The following SHTN1 variants were observed in gnomAD, a reference collection of about 807,000 sequenced individuals.
SHTN1 encodes shootin 1.
SHTN1 carries 42 observed loss-of-function variants against 83.1 expected under a neutral mutation model. The observed-to-expected ratio is 0.51, with a 90% CI of 0.39 to 0.65. The LOEUF (loss-of-function observed/expected upper bound fraction) is 0.65. Ranked by LOEUF, SHTN1 falls within the 30% of genes least tolerant of loss-of-function variation. The probability of loss-of-function intolerance (pLI) is 0.00; values close to 1 mark genes in which losing one functional copy is unlikely to be tolerated. For missense variants in SHTN1, 622 were observed against 737.8 expected (o/e 0.84, Z 1.82); for synonymous variants, 224 against 247.7 (o/e 0.90, Z 0.90).
chr10:117,109,988 A>G (rs2133637988), intron 1 of SHTN1, among the ~76,000 whole-genome samples: 1 of 152,320 alleles, frequency 6.6e-6, no homozygotes, highest in South Asian at 2.1e-4. Context: ...CACCTTCTAG[A>G]TGGAGAAACT....
At chr10:116,948,309 G>C (rs1589833280) in intron 7 of SHTN1, among the ~76,000 whole-genome samples, 1 of 152,172 alleles carries the variant, frequency 6.6e-6, no homozygotes, top group East Asian at 1.9e-4. Context: ...CACCAGGAGA[G>C]CAGGTCTGCT....
chr10:116,919,695 C>T (rs182300366), intron 12 of SHTN1, among the ~76,000 whole-genome samples: 6 of 152,210 alleles, frequency 3.9e-5, no homozygotes, highest in East Asian at 3.9e-4. Context: ...CATCAGGAAA[C>T]GCTAATAGCC....
chr10:116,923,494 G>T (rs1170882098), intron 11 of SHTN1, among the ~76,000 whole-genome samples: 10 of 151,920 alleles, frequency 6.6e-5, no homozygotes, highest in African/African-American at 2.4e-4. Context: ...TTAGGAAAAG[G>T]GGCAAATGGA....
intron 1 of SHTN1, among the ~76,000 whole-genome samples, chr10:117,120,811 ATTTT>A (rs71013645): frequency 7.1e-6 from 1 of 141,458 alleles, no homozygotes; most frequent in African/African-American, 2.6e-5. Flanking sequence ...CACTGATTTG[ATTTT>A]TTTTTTTTTT....
At chr10:116,901,229 G>A in intron 16 of SHTN1, 1 of 985,092 alleles carries the variant, frequency 1.0e-6, no homozygotes, top group Non-Finnish European at 1.2e-6. Context: ...TTCAATAGCA[G>A]GATTAACTCT....
intron 1 of SHTN1, among the ~76,000 whole-genome samples, chr10:117,000,313 C>G (rs1310192242): frequency 1.3e-5 from 2 of 152,164 alleles, no homozygotes; most frequent in Non-Finnish European, 2.9e-5. Context: ...CAGTTATTTC[C>G]TGGCCTAGAA....
intron 1 of SHTN1, among the ~76,000 whole-genome samples, chr10:117,092,579 C>T (rs1853447931): frequency 6.6e-6 from 1 of 152,182 alleles, no homozygotes; most frequent in African/African-American, 2.4e-5. Flanking sequence ...TCTCTAGACC[C>T]ATCTGGCTGC....
At chr10:117,106,669 A>C (rs1396365083) in intron 1 of SHTN1, among the ~76,000 whole-genome samples, 1 of 152,180 alleles carries the variant, frequency 6.6e-6, no homozygotes, top group Non-Finnish European at 1.5e-5. Context: ...CCTGGCATTT[A>C]AAGCCAAACT....
chr10:117,018,991 CATAATT>C (rs1465899279), intron 2 of SHTN1, among the ~76,000 whole-genome samples: 2 of 152,042 alleles, frequency 1.3e-5, no homozygotes, highest in African/African-American at 2.4e-5. Context: ...CCACAAGTGA[CATAATT>C]ATACATATAG....
In SHTN1 at chr10:116,944,971, C is replaced by T; in HGVS notation, c.664G>A (p.Glu222Lys). The T allele has an allele frequency of 6.2e-7, 1 of 1,612,524 alleles. No individual in the cohort carries two copies. The highest frequency in any genetic ancestry group is 8.5e-7 in the Non-Finnish European group (1 of 1,178,680). ...TTCTTTCGAAGGTCCTTCTCCAGCT[C>T]CAGGTTTACTTGCATCTCCTCATAC... Reference protein sequence around the residue: ...EEYEEMQVNLELEKDLRKKAE... With the variant: ...EEYEEMQVNLKLEKDLRKKAE... The change falls in exon 8 of 17, where the codon GAG (glutamate) becomes AAG (lysine). Residue 222 changes from glutamate to lysine, a missense_variant. By Grantham distance (56) the Glu-to-Lys change is moderately conservative. Around this residue, in one of 3 missense-constraint regions of SHTN1, gnomAD observed 383 missense variants for 455.8 expected, o/e 0.84. Transcript: ENST00000355371.
chr10:116,964,659 A>G (rs1324557013), intron 3 of SHTN1, among the ~76,000 whole-genome samples: 2 of 152,374 alleles, frequency 1.3e-5, no homozygotes, highest in Non-Finnish European at 2.9e-5. Context: ...TCCTTAAAAC[A>G]GATTAATGGA....
chr10:116,962,189 C>A (rs1223301177), intron 3 of SHTN1, among the ~76,000 whole-genome samples: 1 of 152,042 alleles, frequency 6.6e-6, no homozygotes, highest in Admixed American at 6.6e-5. Flanking sequence ...TGGAATCACA[C>A]ACAATATGTG....
intron 1 of SHTN1, among the ~76,000 whole-genome samples, chr10:117,090,795 A>G (rs1853419704): frequency 7.4e-6 from 1 of 134,782 alleles, no homozygotes; most frequent in African/African-American, 2.8e-5. Flanking sequence ...GGAAGGAAGG[A>G]AGGAAGGAAG....
At chr10:116,971,418 C>T (rs1241656731) in intron 2 of SHTN1, among the ~76,000 whole-genome samples, 1 of 152,150 alleles carries the variant, frequency 6.6e-6, no homozygotes, top group Non-Finnish European at 1.5e-5. Context: ...TAGTAGAGTT[C>T]TAAATTCGCA....
upstream of SHTN1, among the ~76,000 whole-genome samples, chr10:117,010,005 T>C (rs546161425): frequency 6.6e-6 from 1 of 150,906 alleles, no homozygotes; most frequent in East Asian, 1.9e-4. Flanking sequence ...AGATACAAAA[T>C]CAATAAGGTA....
At chr10:117,125,478 G>A (rs1853989529) in intron 1 of SHTN1, among the ~76,000 whole-genome samples, 1 of 151,980 alleles carries the variant, frequency 6.6e-6, no homozygotes, top group Non-Finnish European at 1.5e-5. Context: ...TCACCTGTCG[G>A]CACCCATCTC....
At chr10:117,075,224 G>C (rs944101193) in intron 1 of SHTN1, among the ~76,000 whole-genome samples, 1 of 152,158 alleles carries the variant, frequency 6.6e-6, no homozygotes, top group African/African-American at 2.4e-5. Context: ...CTGAGAATCA[G>C]TGTTTCTCAA....
At chr10:116,975,872 T>C (rs1269913719) in intron 2 of SHTN1, among the ~76,000 whole-genome samples, 1 of 152,204 alleles carries the variant, frequency 6.6e-6, no homozygotes, top group Non-Finnish European at 1.5e-5. Context: ...GATACTTATA[T>C]TCAACTTTCA....
intron 2 of SHTN1, among the ~76,000 whole-genome samples, chr10:117,029,071 A>G (rs1852369591): frequency 1.3e-5 from 2 of 152,198 alleles, no homozygotes; most frequent in South Asian, 4.1e-4. Context: ...CCACAGGGGC[A>G]GAGCTGCCCA....
Sources: allele counts gnomAD v4.1 joint callset (sites outside exome capture counted in the v4.1 genomes callset), GRCh38; gene constraint gnomAD v4.1.1; regional missense constraint gnomAD v4.1.1; transcripts MANE v1.5; gene names NCBI Gene and HGNC (gene_info 2026-07-23, HGNC 2026-07-21).